The following ZXDC variants were observed in gnomAD, a reference collection of about 807,000 sequenced individuals.
ZXDC encodes the protein zinc finger protein ZXDC.
A neutral mutation model predicts 63.6 loss-of-function variants in ZXDC; 58 were observed. The observed-to-expected ratio is 0.91, with a 90% CI of 0.74 to 1.13. The LOEUF (loss-of-function observed/expected upper bound fraction) is 1.13, where lower values mean the gene tolerates loss of function less well. ZXDC is among the 50% of genes most tolerant of loss of function. ZXDC has a pLI of 0.00. For synonymous variants in ZXDC, 561 were observed against 496.1 expected (o/e 1.13, Z -1.74); for missense variants, 1,133 against 1,148.9 (o/e 0.99, Z 0.20).
At chr3:126,453,409 C>T (rs1298593033) in intron 7 of ZXDC, 1 of 985,282 alleles carries the variant, frequency 1.0e-6, no homozygotes, top group Non-Finnish European at 1.2e-6. Flanking sequence ...GCATCAAAAT[C>T]TGGATTTGAC....
intron 6 of ZXDC, chr3:126,460,564 A>G: frequency 1.0e-6 from 1 of 985,462 alleles, no homozygotes; most frequent in African/African-American, 1.7e-5. Context: ...TCCTGGCACC[A>G]GGGACTGACT....
intron 7 of ZXDC, chr3:126,452,897 C>T (rs112029664): frequency 1.4e-5 from 6 of 434,606 alleles, no homozygotes; most frequent in Non-Finnish European, 1.2e-5. Context: ...CACCACCACG[C>T]GTGGCTAATT....
intron 1 of ZXDC, among the ~76,000 whole-genome samples, chr3:126,473,012 C>T (rs1935037278): frequency 6.6e-6 from 1 of 152,176 alleles, no homozygotes; most frequent in African/African-American, 2.4e-5. Context: ...GCTGCAGCTC[C>T]TCTTGGAGCC....
chr3:126,455,956 C>T (rs1468989554), intron 7 of ZXDC, among the ~76,000 whole-genome samples: 1 of 151,664 alleles, frequency 6.6e-6, no homozygotes, highest in African/African-American at 2.4e-5. Context: ...GCCGAGATCG[C>T]GCCACTGCTC....
At chr3:126,442,088 G>GA (rs1933704164) in intron 7 of ZXDC, 142 bp from the exon 8 acceptor site, 1 of 966,860 alleles carries the variant, frequency 1.0e-6, no homozygotes, top group Admixed American at 4.0e-5. Context: ...TCACTTAACA[G>GA]AAAAAATCAA....
chr3:126,468,518 T>C (rs1576688933), intron 4 of ZXDC, among the ~76,000 whole-genome samples: 1 of 152,042 alleles, frequency 6.6e-6, no homozygotes, highest in Non-Finnish European at 1.5e-5. Flanking sequence ...ATACACCACG[T>C]GGGGAGTGCC....
chr3:126,466,065 C>T (rs2107653033), intron 5 of ZXDC, 90 bp downstream of exon 5: 1 of 1,470,162 alleles, frequency 6.8e-7, no homozygotes, highest in African/African-American at 1.4e-5. Flanking sequence ...TGACGCCTTC[C>T]AAGAGGTGAA....
Position 126,475,497 on chromosome 3 carries a change from T to C in ZXDC, c.369A>G (p.Val123=). 8.9e-6 allele frequency: 11 copies of C among 1,231,276 alleles called. No homozygotes were observed. Among genetic ancestry groups the C allele is most frequent in the Non-Finnish European group, 1.1e-5 (11 of 989,444 alleles). 76.3% of individuals were successfully genotyped at this position (1,231,276 alleles called of 1,614,324 possible). A position where few individuals can be genotyped will look rare whatever the true frequency, so the allele number is the denominator to read the frequency against. The change falls in exon 1 of 10, where the codon GTA becomes GTG. Residue 123 remains valine (V), a synonymous_variant. Coordinates refer to ENST00000389709, the MANE Select transcript of ZXDC (RefSeq NM_025112.5). ...SGPAAPPGPG[V]APAGAVTISS... ...TGATGGTGACGGCGCCCGCCGGGGC[T>C]ACGCCAGGGCCGGGGGGGGCGGCCG...
chr3:126,438,355 T>TG lies in ZXDC; in HGVS notation c.*19dup. 2 of 1,603,156 alleles carry TG rather than the reference T, an allele frequency of 1.2e-6. No homozygotes were observed. Among genetic ancestry groups the TG allele is most frequent in the Non-Finnish European group, 1.7e-6 (2 of 1,174,072 alleles). On this transcript the variant is annotated 3_prime_UTR_variant, in exon 10 of 10. Transcript: ENST00000389709. ...GTGTCCTAGACCGTGGCCTTGGGCCTGCCCAGGCCGAGGCTGCCGTCACTG... is the reference window on the plus strand; with the variant it reads ...GTGTCCTAGACCGTGGCCTTGGGCCTGGCCCAGGCCGAGGCTGCCGTCACTG...
chr3:126,439,546 GC>G, intron 9 of ZXDC, 85 bp downstream of exon 9: 1 of 1,548,906 alleles, frequency 6.5e-7, no homozygotes, highest in Non-Finnish European at 8.7e-7. Context: ...TCAGTGACCA[GC>G]CTGCAGCTGT....
intron 7 of ZXDC, among the ~76,000 whole-genome samples, chr3:126,448,774 T>C (rs1933979078): frequency 6.6e-6 from 1 of 152,230 alleles, no homozygotes; most frequent in South Asian, 2.1e-4. Context: ...GCCATCGCCA[T>C]GAAACTCCCA....
chr3:126,472,341 G>A (rs780563753), intron 1 of ZXDC, 36 bp from the exon 2 acceptor site: 8 of 1,590,146 alleles, frequency 5.0e-6, no homozygotes, highest in Non-Finnish European at 6.9e-6. Context: ...CTCAAAGCGT[G>A]GCAAAAATTA....
intron 7 of ZXDC, chr3:126,451,342 GCA>G (rs1934092069): frequency 6.1e-6 from 6 of 985,238 alleles, no homozygotes; most frequent in Non-Finnish European, 7.2e-6. Context: ...CTGAAAACAT[GCA>G]CAGAGTGTAC....
intron 7 of ZXDC, chr3:126,458,849 A>T: frequency 1.0e-6 from 1 of 985,450 alleles, no homozygotes; most frequent in Non-Finnish European, 1.2e-6. Context: ...CCTAAGTCAC[A>T]ATTCACACTG....
intron 7 of ZXDC, chr3:126,452,377 T>A: frequency 1.0e-6 from 1 of 985,406 alleles, no homozygotes; most frequent in African/African-American, 1.7e-5. Flanking sequence ...ATCCCACGTC[T>A]GTCAGCCAAG....
chr3:126,451,564 T>A lies in ZXDC; in HGVS notation c.2212+8089A>T, dbSNP rs1048334169. On this transcript the variant is annotated intron_variant, in intron 7 of 9. Transcript: ENST00000389709. ...CATCACAGAGTGTCCCCAGTGAAGC[T>A]CTCCTGAGAAAGCACAAGGACGCGC... 3.0e-6 allele frequency: 3 copies of A among 985,254 alleles called. No homozygotes were observed. The African/African-American group carries it at 5.2e-5, about 17-fold the overall frequency. 61.0% of individuals were successfully genotyped at this position (985,254 alleles called of 1,614,324 possible).
chr3:126,456,920 A>G (rs1934327594), intron 7 of ZXDC, among the ~76,000 whole-genome samples: 1 of 152,216 alleles, frequency 6.6e-6, no homozygotes, highest in Admixed American at 6.5e-5. Flanking sequence ...AGCATGGCCC[A>G]GGGAGGATGT....
chr3:126,464,491 TG>T (rs1421774821), intron 5 of ZXDC, among the ~76,000 whole-genome samples: 1 of 152,226 alleles, frequency 6.6e-6, no homozygotes, highest in African/African-American at 2.4e-5. Flanking sequence ...GGGTGACACC[TG>T]GTCTTCTACC....
chr3:126,443,672 A>G (rs1265892338), intron 7 of ZXDC, among the ~76,000 whole-genome samples: 5 of 152,218 alleles, frequency 3.3e-5, no homozygotes, highest in African/African-American at 9.7e-5. Context: ...GAGCTTGTAT[A>G]CTATCCCACT....
Sources: gnomAD v4.1 joint callset for allele counts (sites outside exome capture counted in the v4.1 genomes callset) on GRCh38, gnomAD v4.1.1 for gene constraint, MANE v1.5 for transcripts, NCBI Gene and HGNC (gene_info 2026-07-23, HGNC 2026-07-21) for gene names.